ACSS2: variants seen among roughly 807,000 people sequenced by gnomAD.
ACSS2 encodes the protein acyl-CoA synthetase short chain family member 2, also known as acetyl-coenzyme A synthetase, cytoplasmic.
A neutral mutation model predicts 90.6 loss-of-function variants in ACSS2; 58 were observed. The ratio of observed to expected loss-of-function variants is 0.64; its 90% confidence interval spans 0.52 to 0.80. ACSS2 has a LOEUF of 0.80. ACSS2 is among the 30% of genes least tolerant of loss of function. The pLI, the probability that ACSS2 is intolerant of heterozygous loss-of-function variation, is 0.00. For synonymous variants in ACSS2, 300 were observed against 330.9 expected (o/e 0.91, Z 1.01); for missense variants, 759 against 912.0 (o/e 0.83, Z 2.16).
intron 1 of ACSS2, among the ~76,000 whole-genome samples, chr20:34,881,620 C>G (rs1286369974): frequency 6.6e-6 from 1 of 152,162 alleles, no homozygotes; most frequent in Admixed American, 6.5e-5. Context: ...TTCCTCCTAA[C>G]ATATGCCCTT....
intron 2 of ACSS2, among the ~76,000 whole-genome samples, chr20:34,900,023 C>A (rs1288887751): frequency 6.6e-6 from 1 of 152,186 alleles, no homozygotes; most frequent in East Asian, 1.9e-4. Flanking sequence ...ATTTTATATT[C>A]CCGGCAATGT....
intron 9 of ACSS2, 138 bp from the exon 10 acceptor site, chr20:34,920,867 TG>T: frequency 6.7e-7 from 1 of 1,488,200 alleles, no homozygotes; most frequent in Non-Finnish European, 9.2e-7. Flanking sequence ...CTGACTAGGA[TG>T]GTATCTTGGC....
intron 1 of ACSS2, among the ~76,000 whole-genome samples, chr20:34,880,122 A>G (rs2080034683): frequency 6.6e-6 from 1 of 152,172 alleles, no homozygotes; most frequent in African/African-American, 2.4e-5. Flanking sequence ...TTGTTGGGCT[A>G]TTGGGTTGTT....
At chr20:34,887,383 T>C (rs894570912) in intron 2 of ACSS2, among the ~76,000 whole-genome samples, 5 of 152,192 alleles carry the variant, frequency 3.3e-5, no homozygotes, top group Non-Finnish European at 7.3e-5. Context: ...CCAGATAAAA[T>C]GTGTTATTAG....
intron 13 of ACSS2, 78 bp from the exon 14 acceptor site, chr20:34,923,245 C>A: frequency 9.2e-7 from 1 of 1,081,400 alleles, no homozygotes; most frequent in Non-Finnish European, 1.4e-6. Flanking sequence ...CACTTTCCCC[C>A]ACATTTAGAA....
At chr20:34,877,909 C>CAGATAGATAGATAGACAGATAGAT (rs1555878358) in intron 1 of ACSS2, among the ~76,000 whole-genome samples, 41 of 146,630 alleles carry the variant, frequency 2.8e-4, no homozygotes, top group South Asian at 2.0e-3. Context: ...GATAGATAGA[C>CAGATAGATAGATAGACAGATAGAT]AGATAGATAG....
At chr20:34,908,409 C>G (rs1442979303) in intron 2 of ACSS2, among the ~76,000 whole-genome samples, 1 of 152,168 alleles carries the variant, frequency 6.6e-6, no homozygotes, top group Non-Finnish European at 1.5e-5. Flanking sequence ...TGCCTTTTCA[C>G]TTGATGCTCC....
At chr20:34,919,867 A>G (rs1288194167) in intron 8 of ACSS2, among the ~76,000 whole-genome samples, 2 of 152,074 alleles carry the variant, frequency 1.3e-5, no homozygotes. Context: ...TGTTAACTCA[A>G]GGCCAAGGGT....
At chr20:34,880,470 G>A (rs2080043577) in intron 1 of ACSS2, among the ~76,000 whole-genome samples, 1 of 151,882 alleles carries the variant, frequency 6.6e-6, no homozygotes, top group African/African-American at 2.4e-5. Context: ...CTTGAGCCAG[G>A]GAGATGGAGG....
Position 34,921,146 on chromosome 20 carries a change from C to T in ACSS2, c.1277+7C>T, listed in dbSNP as rs1272044631. ...GAGATGAGCCTGTCACCAAGTGAGA[C>T]CTCTTCCCAGTTGCTGCCCTGTGGG... is the stretch of plus-strand genomic sequence containing the variant. On this transcript the variant is annotated splice_region_variant and intron_variant, in intron 10 of 17. Coordinates refer to ENST00000360596, the MANE Select transcript of ACSS2 (RefSeq NM_018677.4). 1.2e-6 allele frequency: 2 copies of T among 1,614,042 alleles called. No homozygotes were observed. Among genetic ancestry groups the T allele is most frequent in the East Asian group, 4.5e-5 (2 of 44,896 alleles).
At chr20:34,903,349 A>G (rs2080716748) in intron 2 of ACSS2, among the ~76,000 whole-genome samples, 1 of 151,808 alleles carries the variant, frequency 6.6e-6, no homozygotes, top group Non-Finnish European at 1.5e-5. Context: ...CAAAAAAAAA[A>G]AAAAAAAAGA....
intron 14 of ACSS2, 66 bp downstream of exon 14, chr20:34,923,497 G>C (rs1020871145): frequency 1.7e-6 from 2 of 1,168,504 alleles, no homozygotes; most frequent in Non-Finnish European, 2.6e-6. Context: ...TCCATTTTCA[G>C]GAAGAGTTGG....
At chr20:34,877,261 C>A (rs1248106280) in intron 1 of ACSS2, among the ~76,000 whole-genome samples, 1 of 152,128 alleles carries the variant, frequency 6.6e-6, no homozygotes, top group Non-Finnish European at 1.5e-5. Context: ...CACACCAGCT[C>A]AGCCACTGCC....
chr20:34,908,300 A>G (rs925487781), intron 2 of ACSS2, among the ~76,000 whole-genome samples: 7 of 152,228 alleles, frequency 4.6e-5, no homozygotes, highest in Non-Finnish European at 7.3e-5. Context: ...ACAAGGCTCT[A>G]CGTGATTTGG....
chr20:34,926,979 G>A, intron 17 of ACSS2, 28 bp downstream of exon 17: 1 of 1,614,126 alleles, frequency 6.2e-7, no homozygotes, highest in Non-Finnish European at 8.5e-7. Context: ...CATGGATTGG[G>A]ATGGGCTGAG....
At chr20:34,894,672 G>T (rs2080421906) in intron 2 of ACSS2, among the ~76,000 whole-genome samples, 1 of 152,022 alleles carries the variant, frequency 6.6e-6, no homozygotes, top group Non-Finnish European at 1.5e-5. Flanking sequence ...AGAAGTTAGG[G>T]AGTCCTAATA....
In ACSS2 at chr20:34,921,591, C is replaced by T. The variant is rs58314413; in HGVS notation, c.1458C>T (p.Pro486=). The part of the protein sequence containing the change: ...TPLPGATPMK[P]GSATFPFFGV... ...TTCCTGGTGCCACACCCATGAAACC[C>T]GGTTCTGCTGTGAGTGATGCTTCCC... The change falls in exon 12 of 18, where the codon CCC becomes CCT. Residue 486 remains proline (P), a synonymous_variant. Coordinates refer to ENST00000360596, the MANE Select transcript of ACSS2 (RefSeq NM_018677.4). 269 of 1,614,204 alleles carry T rather than the reference C, an allele frequency of 1.7e-4. 2 individuals carry two copies. The East Asian group carries it at 4.9e-3, about 30-fold the overall frequency.
Position 34,927,389 on chromosome 20 carries a change from G to A in ACSS2, c.*175G>A. Reference sequence around the variant, plus strand: ...AGAGACAACATCCTGTGACTGCCAGGCAGAAAGGACAGGGCCCAGGTCAGC... The same window carrying A: ...AGAGACAACATCCTGTGACTGCCAGACAGAAAGGACAGGGCCCAGGTCAGC... On this transcript the variant is annotated 3_prime_UTR_variant, in exon 18 of 18. Coordinates refer to ENST00000360596, the MANE Select transcript of ACSS2 (RefSeq NM_018677.4). The surrounding 1 kb of genome is among the most constrained non-coding windows in gnomAD (Gnocchi z 4.2). 1.2e-6 allele frequency: 1 copy of A among 855,112 alleles called. No homozygotes were observed. 53.0% of individuals were successfully genotyped at this position (855,112 alleles called of 1,614,324 possible). A position where few individuals can be genotyped will look rare whatever the true frequency, so the allele number is the denominator to read the frequency against.
chr20:34,901,664 T>C (rs748738257), intron 2 of ACSS2, among the ~76,000 whole-genome samples: 5 of 152,182 alleles, frequency 3.3e-5, no homozygotes, highest in Admixed American at 6.5e-5. Flanking sequence ...TTTTATAGAA[T>C]CAAAGAATCT....
Sources: allele counts gnomAD v4.1 joint callset (sites outside exome capture counted in the v4.1 genomes callset), GRCh38; gene constraint gnomAD v4.1.1; non-coding constraint Gnocchi (gnomAD v3.1); transcripts MANE v1.5; gene names NCBI Gene and HGNC (gene_info 2026-07-23, HGNC 2026-07-21).